Variants in INTS9 observed in about 807,000 individuals in gnomAD.
INTS9 encodes the protein protein related to CPSF subunits of 74 kDa.
A neutral mutation model predicts 79.7 loss-of-function variants in INTS9; 55 were observed. The ratio of observed to expected loss-of-function variants is 0.69; its 90% CI spans 0.56 to 0.86. The LOEUF (loss-of-function observed/expected upper bound fraction) is 0.86. Among genes scored for constraint, INTS9 ranks in the 40% least tolerant of loss-of-function variants. The pLI is 0.00. For synonymous variants in INTS9, 319 were observed against 325.2 expected (o/e 0.98, Z 0.20); for missense variants, 721 against 831.5 (o/e 0.87, Z 1.64).
intron 13 of INTS9, chr8:28,776,348 C>G (rs1244482700): frequency 6.4e-6 from 1 of 156,870 alleles, no homozygotes; most frequent in Non-Finnish European, 1.4e-5. Context: ...TCCGCTGGAT[C>G]TGCAGGTCAG....
chr8:28,837,555 T>A (rs898969016), intron 5 of INTS9, 82 bp downstream of exon 5: 8 of 1,425,282 alleles, frequency 5.6e-6, no homozygotes, highest in African/African-American at 2.8e-5. Context: ...CCACCAGCCC[T>A]GGTATAATAC....
intron 10 of INTS9, 114 bp from the exon 11 acceptor site, chr8:28,788,003 C>T (rs925522347): frequency 2.9e-5 from 16 of 552,416 alleles, no homozygotes; most frequent in African/African-American, 9.4e-5. Flanking sequence ...AAAAATTTCC[C>T]GCCAGTGAAT....
chr8:28,776,913 C>T (rs908772519), intron 13 of INTS9, among the ~76,000 whole-genome samples: 1 of 152,182 alleles, frequency 6.6e-6, no homozygotes, highest in Non-Finnish European at 1.5e-5. Context: ...CTGCTTCTAA[C>T]GTGGATGAGC....
chr8:28,776,026 C>T, intron 13 of INTS9, 100 bp from the exon 14 acceptor site: 1 of 931,414 alleles, frequency 1.1e-6, no homozygotes, highest in Non-Finnish European at 1.6e-6. Context: ...CCATTACAGG[C>T]TCACCACTTC....
intron 8 of INTS9, among the ~76,000 whole-genome samples, chr8:28,808,691 A>G (rs1804946504): frequency 1.3e-5 from 2 of 152,346 alleles, no homozygotes; most frequent in East Asian, 3.9e-4. Flanking sequence ...ATGCAGACAT[A>G]AGATCTGTAA....
chr8:28,860,755 TA>T (rs1808418632), intron 1 of INTS9, among the ~76,000 whole-genome samples: 1 of 152,212 alleles, frequency 6.6e-6, no homozygotes. Flanking sequence ...GTGCTGGGGT[TA>T]TAGGCGTGAG....
Position 28,767,944 on chromosome 8 carries a change from A to C in INTS9, c.*202T>G, listed in dbSNP as rs923327992. The C allele has an allele frequency of 8.5e-6, 5 of 586,284 alleles. No homozygotes were observed. Among genetic ancestry groups the C allele is most frequent in the African/African-American group, 7.4e-5 (4 of 53,700 alleles). The allele number at this position is 586,284 out of a possible 1,614,324, so 36.3% of individuals were successfully genotyped here. On this transcript the variant is annotated 3_prime_UTR_variant, in exon 17 of 17. Transcript: ENST00000521022. ...CAGAGTTGAGAAGAAAATGAGCCTG[A>C]AGTTGAAAGGGAAAGTTCTTGCCTG...
intron 1 of INTS9, among the ~76,000 whole-genome samples, chr8:28,877,656 G>A (rs571659625): frequency 4.6e-5 from 7 of 152,270 alleles, no homozygotes; most frequent in Middle Eastern, 3.4e-3. Flanking sequence ...ATTGATAGAA[G>A]TTTGGTTAGA....
chr8:28,827,508 T>C (rs919362826), intron 6 of INTS9, among the ~76,000 whole-genome samples: 4 of 152,134 alleles, frequency 2.6e-5, no homozygotes, highest in East Asian at 1.9e-4. Context: ...ACAAAGAAGA[T>C]AGGAATCAGG....
At chr8:28,873,018 T>C (rs915509191) in intron 1 of INTS9, among the ~76,000 whole-genome samples, 1 of 152,050 alleles carries the variant, frequency 6.6e-6, no homozygotes, top group African/African-American at 2.4e-5. Flanking sequence ...CAGAAGTATA[T>C]TCTGAAAATT....
At chr8:28,889,559 T>A (rs1471149055) in intron 1 of INTS9, among the ~76,000 whole-genome samples, 1 of 152,098 alleles carries the variant, frequency 6.6e-6, no homozygotes, top group Non-Finnish European at 1.5e-5. Flanking sequence ...AACCCTCACG[T>A]GGGAACCAGG....
At chr8:28,881,098 G>A (rs1471859099) in intron 1 of INTS9, among the ~76,000 whole-genome samples, 17 of 150,370 alleles carry the variant, frequency 1.1e-4, no homozygotes, top group South Asian at 4.2e-4. Flanking sequence ...GTCTCCGCCC[G>A]GCAGCCACCC....
chr8:28,793,850 C>T lies in INTS9; in HGVS notation c.994G>A (p.Val332Met). The T allele has an allele frequency of 2.5e-6, 4 of 1,613,062 alleles. No homozygotes were observed. Among genetic ancestry groups the T allele is most frequent in the Non-Finnish European group, 3.4e-6 (4 of 1,179,804 alleles). ...SSVPLYFISP[V>M]ANSSLEFSQI... ...GAAAACTCCAGTGAACTGTTGGCCA[C>T]AGGGGAGATGAAGTAGAGGGGGACG... The change falls in exon 10 of 17, where the codon GTG (valine) becomes ATG (methionine). Residue 332 changes from valine (V) to methionine (M), a missense_variant. Val to Met is a conservative substitution (Grantham distance 21, BLOSUM62 1). Coordinates refer to ENST00000521022, the MANE Select transcript of INTS9 (RefSeq NM_018250.4).
intron 6 of INTS9, among the ~76,000 whole-genome samples, chr8:28,814,282 T>TCACACACACA (rs1491258772): frequency 6.8e-5 from 6 of 88,084 alleles, no homozygotes; most frequent in African/African-American, 2.0e-4. Flanking sequence ...GAACAGGGCT[T>TCACACACACA]CTCACACACA....
chr8:28,789,259 AAG>A (rs1170146989), intron 10 of INTS9, among the ~76,000 whole-genome samples: 1 of 152,196 alleles, frequency 6.6e-6, no homozygotes, highest in African/African-American at 2.4e-5. Flanking sequence ...AGGGATACAG[AAG>A]AGATTACAAT....
intron 8 of INTS9, among the ~76,000 whole-genome samples, chr8:28,797,760 T>C (rs868103949): frequency 7.2e-5 from 11 of 152,186 alleles, no homozygotes; most frequent in African/African-American, 2.7e-4. Context: ...CTCATCTCCA[T>C]TGAAAATACC....
chr8:28,800,714 C>G (rs749822492), intron 8 of INTS9, among the ~76,000 whole-genome samples: 1 of 152,126 alleles, frequency 6.6e-6, no homozygotes, highest in Non-Finnish European at 1.5e-5. Context: ...CATCTTCTCC[C>G]CCTATTATAA....
intron 8 of INTS9, among the ~76,000 whole-genome samples, chr8:28,801,757 T>C (rs1394067671): frequency 6.6e-6 from 1 of 152,088 alleles, no homozygotes; most frequent in Non-Finnish European, 1.5e-5. Context: ...GGACCACAGG[T>C]GTGTGCCACC....
At chr8:28,832,116 C>G (rs897396276) in intron 6 of INTS9, among the ~76,000 whole-genome samples, 1 of 152,070 alleles carries the variant, frequency 6.6e-6, no homozygotes, top group African/African-American at 2.4e-5. Context: ...CACACATGTT[C>G]CATGGGAAAG....
Sources: allele counts gnomAD v4.1 joint callset (sites outside exome capture counted in the v4.1 genomes callset), GRCh38; gene constraint gnomAD v4.1.1; transcripts MANE v1.5; gene names NCBI Gene and HGNC (gene_info 2026-07-23, HGNC 2026-07-21).